The following TTC28 variants were observed in gnomAD, a reference collection of about 807,000 sequenced individuals.
TTC28 encodes tetratricopeptide repeat domain 28.
TTC28 carries 61 observed loss-of-function variants against 198.0 expected under a neutral mutation model. That is an observed-to-expected ratio of 0.31 (90% CI 0.25 to 0.38). TTC28 has a LOEUF of 0.38. Among genes scored for constraint, TTC28 ranks in the 10% least tolerant of loss-of-function variants. TTC28 has a pLI of 1.00. For synonymous variants in TTC28, 1,171 were observed against 1,297.8 expected, an observed-to-expected ratio of 0.90 and a Z score of 2.10; for missense variants, 2,678 against 3,164.0, an observed-to-expected ratio of 0.85 and a Z score of 3.69.
chr22:28,298,399 T>G (rs1352890409), intron 3 of TTC28, among the ~76,000 whole-genome samples: 3 of 152,216 alleles, frequency 2.0e-5, no homozygotes, highest in African/African-American at 7.2e-5. Context: ...ATGTGGGTAC[T>G]CAGAAAACGC....
chr22:28,206,816 C>T (rs1299022157), intron 5 of TTC28, among the ~76,000 whole-genome samples: 5 of 152,112 alleles, frequency 3.3e-5, no homozygotes, highest in Admixed American at 3.3e-4. Context: ...TAGTACTTTA[C>T]TCAGCACTAT....
intron 13 of TTC28, among the ~76,000 whole-genome samples, chr22:28,015,041 AG>A (rs1468029317): frequency 6.6e-6 from 1 of 152,246 alleles, no homozygotes; most frequent in Non-Finnish European, 1.5e-5. Context: ...TTATTAATAC[AG>A]AAGCATTTTC....
At chr22:28,230,479 G>A (rs1416199496) in intron 5 of TTC28, among the ~76,000 whole-genome samples, 5 of 151,968 alleles carry the variant, frequency 3.3e-5, no homozygotes, top group Non-Finnish European at 5.9e-5. Context: ...GAGGGGAAGG[G>A]TCTTTGTCTT....
At position 28,403,094 on chromosome 22, in the gene TTC28, C is replaced by T. The variant is rs5762602; in HGVS notation, c.382-96451G>A. On this transcript the variant is annotated intron_variant, in intron 2 of 22. Coordinates refer to ENST00000397906, the MANE Select transcript of TTC28 (RefSeq NM_001145418.2). ...GATGTTGTGCTTTTGTATCTCCTTA[C>T]TGGGCTTAATCTGTTAATTAAGCAA... 1.4e-4 allele frequency among the ~76,000 whole-genome samples: 21 copies of T among 152,312 alleles called. No homozygotes were observed. In the East Asian group the frequency reaches 4.1e-3, roughly 29 times the overall value.
intron 5 of TTC28, among the ~76,000 whole-genome samples, chr22:28,266,578 T>C (rs1931698039): frequency 6.6e-6 from 1 of 152,180 alleles, no homozygotes; most frequent in Admixed American, 6.5e-5. Context: ...ATCATAATAG[T>C]GTGACCAAGG....
chr22:28,157,007 AAGTT>A (rs1184751004), intron 6 of TTC28, among the ~76,000 whole-genome samples: 4 of 152,206 alleles, frequency 2.6e-5, no homozygotes, highest in African/African-American at 9.6e-5. Context: ...AATGAAATAA[AAGTT>A]GGTTGTTTGA....
chr22:28,068,677 T>C (rs1399184078), intron 12 of TTC28, among the ~76,000 whole-genome samples: 1 of 152,204 alleles, frequency 6.6e-6, no homozygotes, highest in Non-Finnish European at 1.5e-5. Context: ...CAGGGAATTG[T>C]ATGTAAGATT....
chr22:28,447,572 G>C (rs2047721498), intron 2 of TTC28, among the ~76,000 whole-genome samples: 1 of 152,106 alleles, frequency 6.6e-6, no homozygotes, highest in Non-Finnish European at 1.5e-5. Context: ...TAATCTGTTG[G>C]GGTGGTTTTT....
At chr22:28,264,774 C>T (rs1489036052) in intron 5 of TTC28, among the ~76,000 whole-genome samples, 1 of 152,054 alleles carries the variant, frequency 6.6e-6, no homozygotes, top group African/African-American at 2.4e-5. Context: ...ATGAAGAACA[C>T]GGGTTTAGAC....
At position 28,587,115 on chromosome 22, in the gene TTC28, G is replaced by A. The variant is rs1164678755; in HGVS notation, c.381+42437C>T. Reference sequence around the variant, plus strand: ...CGGGCGCCTATAGGCCTAGAACTTTGGAAGGCCGAGGCAGGTGGATCATTT... The same window carrying A: ...CGGGCGCCTATAGGCCTAGAACTTTAGAAGGCCGAGGCAGGTGGATCATTT... On this transcript the variant is annotated intron_variant, in intron 2 of 22. Coordinates refer to ENST00000397906, the MANE Select transcript of TTC28 (RefSeq NM_001145418.2). Among the ~76,000 whole-genome samples, 3 of 152,108 alleles carry A rather than the reference G, an allele frequency of 2.0e-5. No homozygotes were observed. The East Asian group carries it at 5.8e-4, about 29-fold the overall frequency.
Position 28,107,083 on chromosome 22 carries a change from C to T in TTC28, c.2762G>A (p.Arg921Gln), listed in dbSNP as rs755899246. Reference sequence around the variant, plus strand: ...TTACCTGTGTCCATTTCCCAGGCCCCGGTAAGCCTTGGCTTGGTCTTGCAT... The same window carrying T: ...TTACCTGTGTCCATTTCCCAGGCCCTGGTAAGCCTTGGCTTGGTCTTGCAT... ...NRMQDQAKAY[R>Q]GLGNGHRAMG... The change falls in exon 7 of 23, where the codon CGG becomes CAG. Residue 921 changes from arginine (R) to glutamine (Q), a missense_variant. This residue lies in a region of TTC28 where 775 missense variants were observed against 845.9 expected (regional missense o/e 0.92). Coordinates refer to ENST00000397906, the MANE Select transcript of TTC28 (RefSeq NM_001145418.2). 30 of 1,549,288 alleles carry T rather than the reference C, an allele frequency of 1.9e-5. No homozygotes were observed. The highest frequency in any genetic ancestry group is 4.1e-5 in the African/African-American group (3 of 73,022).
In TTC28 at chr22:28,504,816, G is replaced by C. The variant is rs558279519; in HGVS notation, c.381+124736C>G. Among the ~76,000 whole-genome samples, 3 of 152,116 alleles carry C rather than the reference G, an allele frequency of 2.0e-5. No homozygotes were observed. In the South Asian group the frequency reaches 6.2e-4, roughly 32 times the overall value. ...TTAAAAAAAAATCCAGTGGGAGTGG[G>C]TACAGAGATTTAGCGGTGAAATAAG... On this transcript the variant is annotated intron_variant, in intron 2 of 22. Coordinates refer to ENST00000397906, the MANE Select transcript of TTC28 (RefSeq NM_001145418.2).
At chr22:28,350,696 C>T (rs1243391354) in intron 2 of TTC28, among the ~76,000 whole-genome samples, 3 of 152,038 alleles carry the variant, frequency 2.0e-5, no homozygotes, top group Non-Finnish European at 4.4e-5. Flanking sequence ...AAAGCCATCA[C>T]GACAATGCAA....
chr22:28,395,817 C>T (rs2046807131), intron 2 of TTC28, among the ~76,000 whole-genome samples: 1 of 152,130 alleles, frequency 6.6e-6, no homozygotes, highest in African/African-American at 2.4e-5. Flanking sequence ...AAACACCATG[C>T]ACCCAAGGTC....
At chr22:28,316,303 G>A (rs929898248) in intron 2 of TTC28, among the ~76,000 whole-genome samples, 6 of 152,024 alleles carry the variant, frequency 3.9e-5, no homozygotes, top group South Asian at 2.1e-4. Context: ...TGTCTGACCC[G>A]TTTCTTCCTT....
At chr22:28,416,185 TC>T (rs1323621369) in intron 2 of TTC28, among the ~76,000 whole-genome samples, 2 of 152,186 alleles carry the variant, frequency 1.3e-5, no homozygotes, top group African/African-American at 4.8e-5. Context: ...AGAAGTACAT[TC>T]AAGAGTCTTA....
rs900045248 is a variant in TTC28, at chr22:28,093,641, C to A, written c.3932+439G>T. Among the ~76,000 whole-genome samples the A allele has an allele frequency of 2.0e-5, 3 of 152,138 alleles. 1 individual carries two copies. Among genetic ancestry groups the A allele is most frequent in the Non-Finnish European group, 4.4e-5 (3 of 68,028 alleles). On this transcript the variant is annotated intron_variant, in intron 12 of 22. Transcript: ENST00000397906. ...GAGAGTTCAGCTCCTTTCACCTCAC[C>A]CCTCAGGCTCACAGATCTGTGCACA...
intron 2 of TTC28, among the ~76,000 whole-genome samples, chr22:28,359,278 A>AT (rs1239098960): frequency 2.6e-5 from 4 of 152,208 alleles, no homozygotes; most frequent in African/African-American, 9.6e-5. Context: ...CTTAGGTATC[A>AT]TATAAGAATC....
In TTC28 at chr22:28,111,723, AT is replaced by A. The variant is rs71742496; in HGVS notation, c.1442-3321del. ...CTCCCACAATCATGCCTTTGCAGTG[AT>A]TTTTTTTTCCCTCACAGCTTTTGGA... On this transcript the variant is annotated intron_variant, in intron 6 of 22. Transcript: ENST00000397906. 9.6e-4 allele frequency among the ~76,000 whole-genome samples: 145 copies of A among 151,386 alleles called. 1 individual carries two copies. Among genetic ancestry groups the A allele is most frequent in the Middle Eastern group, 3.4e-3 (1 of 294 alleles).
Sources: gnomAD v4.1 joint callset for allele counts (sites outside exome capture counted in the v4.1 genomes callset) on GRCh38, gnomAD v4.1.1 for gene constraint, gnomAD v4.1.1 regional missense constraint, MANE v1.5 for transcripts, NCBI Gene and HGNC (gene_info 2026-07-23, HGNC 2026-07-21) for gene names.